The following ATP8A2 variants were observed in gnomAD, a reference collection of about 807,000 sequenced individuals.
The protein encoded by ATP8A2 is phospholipid-transporting ATPase IB.
Under a neutral mutation model 165.6 loss-of-function variants are expected in ATP8A2, and 100 were observed. The ratio of observed to expected loss-of-function variants is 0.60; its 90% CI spans 0.51 to 0.71. The LOEUF (loss-of-function observed/expected upper bound fraction) is 0.71, where lower values mean the gene tolerates loss of function less well. ATP8A2 is among the 30% of genes least tolerant of loss of function. The pLI is 0.00. For synonymous variants in ATP8A2, 543 were observed against 548.8 expected (o/e 0.99, Z 0.15); for missense variants, 1,227 against 1,479.5 (o/e 0.83, Z 2.80).
intron 35 of ATP8A2, among the ~76,000 whole-genome samples, chr13:25,979,961 T>C (rs1381691213): frequency 6.6e-6 from 1 of 152,172 alleles, no homozygotes; most frequent in Non-Finnish European, 1.5e-5. Flanking sequence ...AACAGACTTA[T>C]TTGTCAAAGT....
chr13:25,965,315 A>C (rs959556134), intron 34 of ATP8A2, among the ~76,000 whole-genome samples: 2 of 152,166 alleles, frequency 1.3e-5, no homozygotes, highest in Non-Finnish European at 2.9e-5. Flanking sequence ...TGAGCTGTTA[A>C]GAGTAAGAAA....
chr13:25,374,742 A>G (rs919952411), intron 1 of ATP8A2, among the ~76,000 whole-genome samples: 2 of 152,136 alleles, frequency 1.3e-5, no homozygotes, highest in Non-Finnish European at 2.9e-5. Flanking sequence ...TGCATAATGT[A>G]TGGAGAAGAA....
intron 27 of ATP8A2, among the ~76,000 whole-genome samples, chr13:25,826,058 A>G (rs1951306277): frequency 6.6e-6 from 1 of 152,160 alleles, no homozygotes; most frequent in Admixed American, 6.5e-5. Context: ...TTAATAGTGC[A>G]TTGTACATTT....
chr13:25,454,239 C>T (rs541122559), intron 1 of ATP8A2, among the ~76,000 whole-genome samples: 2 of 152,264 alleles, frequency 1.3e-5, no homozygotes, highest in East Asian at 1.9e-4. Flanking sequence ...GCTTTGCCAT[C>T]GGCATGCCTG....
In ATP8A2 at chr13:25,872,755, A is replaced by C. The variant is rs187723292; in HGVS notation, c.3183+10347A>C. 2.8e-4 allele frequency among the ~76,000 whole-genome samples: 43 copies of C among 152,328 alleles called. 1 individual carries two copies. The highest frequency in any genetic ancestry group is 9.4e-4 in the African/African-American group (39 of 41,572). ...GAAATATAATGGGAGACTTATGTAT[A>C]ATTTTACATTTTCTAGTGGCCCTAT... On this transcript the variant is annotated intron_variant, in intron 33 of 36. Transcript: ENST00000381655.
chr13:25,831,646 C>T (rs532335652), intron 28 of ATP8A2, among the ~76,000 whole-genome samples: 2 of 151,988 alleles, frequency 1.3e-5, no homozygotes, highest in Admixed American at 6.5e-5. Context: ...AGTTCGAGAC[C>T]AGCCTGGCCA....
chr13:25,763,801 T>C (rs545018679), intron 25 of ATP8A2, among the ~76,000 whole-genome samples: 1 of 152,340 alleles, frequency 6.6e-6, no homozygotes, highest in African/African-American at 2.4e-5. Flanking sequence ...ACACCTGGGT[T>C]GTGTCCTGCA....
chr13:25,745,723 G>A (rs1236438088), intron 25 of ATP8A2, among the ~76,000 whole-genome samples: 1 of 152,174 alleles, frequency 6.6e-6, no homozygotes, highest in African/African-American at 2.4e-5. Flanking sequence ...ACACTTGTAT[G>A]AATGAAATAA....
Position 25,951,820 on chromosome 13 carries a change from C to A in ATP8A2, c.3184-9755C>A, listed in dbSNP as rs568203618. ...GGTGACAAAAAACACTGATACCGCC[C>A]ACTGTCAAAGTAAGTGTGTTTGTTA... On this transcript the variant is annotated intron_variant, in intron 33 of 36. Transcript: ENST00000381655. Among the ~76,000 whole-genome samples the A allele has an allele frequency of 4.6e-5, 7 of 152,276 alleles. No homozygotes were observed. The South Asian group carries it at 1.5e-3, about 32-fold the overall frequency.
chr13:25,574,858 G>T lies in ATP8A2; in HGVS notation c.1712+1G>T. ...TCCTTAATGTCCTGGAATTTTCTAG[G>T]TATGTTTCTCTTTCATACGTTTGAA... is the stretch of plus-strand genomic sequence containing the variant. On this transcript the variant is annotated splice_donor_variant, in intron 19 of 36. Transcript: ENST00000381655. LOFTEE classifies it high-confidence loss of function. The T allele has an allele frequency of 6.7e-7, 1 of 1,503,100 alleles. No homozygotes were observed. Among genetic ancestry groups the T allele is most frequent in the Non-Finnish European group, 9.2e-7 (1 of 1,081,266 alleles). 93.1% of individuals were successfully genotyped at this position (1,503,100 alleles called of 1,614,324 possible). A position where few individuals can be genotyped will look rare whatever the true frequency, so the allele number is the denominator to read the frequency against.
intron 25 of ATP8A2, among the ~76,000 whole-genome samples, chr13:25,766,656 C>T (rs111735363): frequency 0.015 from 2,238 of 152,286 alleles, 34 homozygotes; most frequent in Middle Eastern, 0.037. Context: ...CTGTGAGCTA[C>T]TTCCAGCTAG....
At chr13:25,801,306 G>A (rs1463216319) in intron 27 of ATP8A2, among the ~76,000 whole-genome samples, 1 of 152,114 alleles carries the variant, frequency 6.6e-6, no homozygotes, top group African/African-American at 2.4e-5. Context: ...TCGCTGTCTT[G>A]GAATGAGTTA....
At chr13:25,426,847 G>A (rs988958565) in intron 1 of ATP8A2, among the ~76,000 whole-genome samples, 13 of 152,090 alleles carry the variant, frequency 8.5e-5, no homozygotes, top group African/African-American at 3.1e-4. Context: ...TCGGGAGGCT[G>A]AGAGAGGAGA....
intron 1 of ATP8A2, among the ~76,000 whole-genome samples, chr13:25,415,222 C>A (rs2034098234): frequency 6.6e-6 from 1 of 152,144 alleles, no homozygotes; most frequent in African/African-American, 2.4e-5. Context: ...TTAGCATATC[C>A]TCCTCCCCAT....
intron 1 of ATP8A2, among the ~76,000 whole-genome samples, chr13:25,437,664 C>A (rs1184453209): frequency 4.6e-5 from 7 of 152,166 alleles, no homozygotes; most frequent in Non-Finnish European, 1.0e-4. Context: ...CTGATGGTAA[C>A]ACCTTACCAT....
At chr13:25,485,509 C>T (rs1287532432) in intron 2 of ATP8A2, among the ~76,000 whole-genome samples, 1 of 152,236 alleles carries the variant, frequency 6.6e-6, no homozygotes, top group Non-Finnish European at 1.5e-5. Context: ...TTATAATTCA[C>T]TGGGCCTACA....
At chr13:25,636,020 A>T (rs1270371224) in intron 24 of ATP8A2, among the ~76,000 whole-genome samples, 1 of 152,110 alleles carries the variant, frequency 6.6e-6, no homozygotes, top group Non-Finnish European at 1.5e-5. Flanking sequence ...GGAAAGATGG[A>T]TGAGTATGGG....
Position 25,748,496 on chromosome 13 carries a change from T to C in ATP8A2, c.2385-20550T>C, listed in dbSNP as rs547754808. Among the ~76,000 whole-genome samples the C allele has an allele frequency of 4.3e-4, 66 of 152,286 alleles. 2 individuals carry two copies. The South Asian group carries it at 0.014, about 32-fold the overall frequency. On this transcript the variant is annotated intron_variant, in intron 25 of 36. Coordinates refer to ENST00000381655, the MANE Select transcript of ATP8A2 (RefSeq NM_016529.6). ...ATAAGCATTAATCAATGTAAGATAT[T>C]TGTTGCTTTTTCATTCGACCCCATC...
chr13:25,954,942 C>G (rs1955484229), intron 33 of ATP8A2, among the ~76,000 whole-genome samples: 1 of 152,322 alleles, frequency 6.6e-6, no homozygotes, highest in African/African-American at 2.4e-5. Flanking sequence ...TGCCTCTTCT[C>G]CTCCAAAGGA....
Sources: gnomAD v4.1 joint callset for allele counts (sites outside exome capture counted in the v4.1 genomes callset) on GRCh38, gnomAD v4.1.1 for gene constraint, MANE v1.5 for transcripts, NCBI Gene and HGNC (gene_info 2026-07-23, HGNC 2026-07-21) for gene names.